Variants in KIF13B observed in about 807,000 individuals in gnomAD.
KIF13B encodes kinesin family member 13B.
Under a neutral mutation model 222.0 loss-of-function variants are expected in KIF13B, and 127 were observed. The observed-to-expected ratio is 0.57, with a 90% confidence interval of 0.50 to 0.66. The LOEUF is 0.66. Among genes scored for constraint, KIF13B ranks in the 30% least tolerant of loss-of-function variants. The pLI, the probability that KIF13B is intolerant of heterozygous loss-of-function variation, is 0.00. For missense variants in KIF13B, 2,173 were observed against 2,379.0 expected (o/e 0.91, Z 1.80); for synonymous variants, 976 against 919.0 (o/e 1.06, Z -1.12).
rs538023953 is a variant in KIF13B, at chr8:29,067,334, A to C, written c.*3170T>G. 6.5e-6 allele frequency: 1 copy of C among 152,738 alleles called. No homozygotes were observed. The highest frequency in any genetic ancestry group is 2.4e-5 in the African/African-American group (1 of 41,584). The allele number at this position is 152,738 out of a possible 1,614,324, so 9.5% of individuals were successfully genotyped here. A position where few individuals can be genotyped will look rare whatever the true frequency, so the allele number is the denominator to read the frequency against. On this transcript the variant is annotated 3_prime_UTR_variant, in exon 40 of 40. Transcript: ENST00000524189. ...AAGCTGTTGGTCATTTGATGGAAAG[A>C]CACATACGGTACAAAATTACAGGTG...
At chr8:29,204,906 T>A (rs1813860474) in intron 2 of KIF13B, among the ~76,000 whole-genome samples, 1 of 152,258 alleles carries the variant, frequency 6.6e-6, no homozygotes, top group South Asian at 2.1e-4. Flanking sequence ...TTAATATGAC[T>A]GAATTTCTGC....
At chr8:29,132,177 C>A (rs564483408) in intron 23 of KIF13B, 131 bp downstream of exon 23, 26 of 525,060 alleles carry the variant, frequency 5.0e-5, no homozygotes, top group African/African-American at 4.8e-4. Context: ...TCCCAGGAGG[C>A]AGAGGCTGCA....
Position 29,071,837 on chromosome 8 carries a change from G to C in KIF13B, c.5001C>G (p.Pro1667=), listed in dbSNP as rs1174443277. The part of the protein sequence containing the change: ...RSFSRMLAGD[P]GCSPGAEGNA... ...TCCCCTCGGCCCCCGGGGAGCAGCC[G>C]GGGTCCCCAGCCAGCATGCGCGAGA... The change falls in exon 39 of 40, where the codon CCC becomes CCG. Residue 1667 remains proline (P), a synonymous_variant. Transcript: ENST00000524189. This position sits in a 1 kb window ranked among gnomAD's most constrained non-coding sequence, Gnocchi z 4.9. The C allele has an allele frequency of 1.3e-6, 2 of 1,540,536 alleles. No individual in the cohort carries two copies. The highest frequency in any genetic ancestry group is 1.7e-6 in the Non-Finnish European group (2 of 1,146,010).
chr8:29,173,155 T>C (rs1469272388), intron 10 of KIF13B, among the ~76,000 whole-genome samples: 1 of 151,982 alleles, frequency 6.6e-6, no homozygotes, highest in African/African-American at 2.4e-5. Flanking sequence ...CCTCAGCTGA[T>C]CCTCCCACCT....
chr8:29,245,099 T>G (rs1815963369), intron 2 of KIF13B, among the ~76,000 whole-genome samples: 1 of 152,230 alleles, frequency 6.6e-6, no homozygotes, highest in Non-Finnish European at 1.5e-5. Context: ...CAATTGCTTC[T>G]CAACATAACA....
At chr8:29,175,986 A>G (rs1350184549) in intron 10 of KIF13B, 82 bp downstream of exon 10, 2 of 755,890 alleles carry the variant, frequency 2.6e-6, no homozygotes, top group Non-Finnish European at 4.6e-6. Context: ...TGATACCTGG[A>G]AGGGATTAAC....
chr8:29,210,195 G>C (rs1007310632), intron 2 of KIF13B, among the ~76,000 whole-genome samples: 1 of 152,164 alleles, frequency 6.6e-6, no homozygotes, highest in African/African-American at 2.4e-5. Context: ...GAAGGGGATA[G>C]AATCTAAAAA....
chr8:29,142,324 A>G, intron 18 of KIF13B, 21 bp from the exon 19 acceptor site: 1 of 1,599,258 alleles, frequency 6.3e-7, no homozygotes, highest in Non-Finnish European at 8.5e-7. Flanking sequence ...AGTAAGAATG[A>G]CCGTGAGAAA....
At chr8:29,251,605 TG>T (rs1241581646) in intron 1 of KIF13B, among the ~76,000 whole-genome samples, 1 of 151,592 alleles carries the variant, frequency 6.6e-6, no homozygotes, top group Non-Finnish European at 1.5e-5. Context: ...TATGAGGGGT[TG>T]GGGGAAAATG....
chr8:29,090,070 G>A (rs180858455), intron 37 of KIF13B, among the ~76,000 whole-genome samples: 5 of 152,250 alleles, frequency 3.3e-5, no homozygotes, highest in East Asian at 3.9e-4. Flanking sequence ...CAGGGCCAGC[G>A]CCAGAGCTCT....
chr8:29,254,799 A>G (rs891553016), intron 1 of KIF13B, among the ~76,000 whole-genome samples: 1 of 152,250 alleles, frequency 6.6e-6, no homozygotes, highest in African/African-American at 2.4e-5. Context: ...TGCGTATCTG[A>G]GAAAAATGAA....
At position 29,167,518 on chromosome 8, in the gene KIF13B, T is replaced by C. The variant is rs770228294; in HGVS notation, c.1013A>G (p.Asp338Gly). The change falls in exon 11 of 40, where the codon GAT becomes GGT. Residue 338 changes from aspartate (D) to glycine (G), a missense_variant. Transcript: ENST00000524189. ...ATVSPAADNY[D>G]ETLSTLRYAD... ...ATACCGCAGAGTTGAGAGGGTTTCATCATAGTTATCAGCTGCAGGACTCAC... is the reference window on the plus strand; with the variant it reads ...ATACCGCAGAGTTGAGAGGGTTTCACCATAGTTATCAGCTGCAGGACTCAC... 3 of 1,614,040 alleles carry C rather than the reference T, an allele frequency of 1.9e-6. No individual in the cohort carries two copies. The highest frequency in any genetic ancestry group is 1.7e-5 in the Admixed American group (1 of 60,024).
At chr8:29,086,523 TAATAA>T (rs1183143468) in intron 37 of KIF13B, among the ~76,000 whole-genome samples, 2 of 152,100 alleles carry the variant, frequency 1.3e-5, no homozygotes, top group Non-Finnish European at 2.9e-5. Flanking sequence ...TGGTCTCAAA[TAATAA>T]AATAAAATAA....
chr8:29,175,969 G>C (rs1812460193), intron 10 of KIF13B, 99 bp downstream of exon 10: 2 of 713,744 alleles, frequency 2.8e-6, no homozygotes, highest in Non-Finnish European at 5.0e-6. Flanking sequence ...CACACCGATA[G>C]AGGAAATGAT....
chr8:29,101,061 C>T (rs781322420), intron 35 of KIF13B, among the ~76,000 whole-genome samples: 1 of 152,160 alleles, frequency 6.6e-6, no homozygotes, highest in African/African-American at 2.4e-5. Flanking sequence ...ACGTGATCAT[C>T]GAGAACGTAA....
intron 37 of KIF13B, among the ~76,000 whole-genome samples, chr8:29,078,275 CCAA>C (rs1240354388): frequency 6.7e-6 from 1 of 148,226 alleles, no homozygotes; most frequent in Non-Finnish European, 1.5e-5. Flanking sequence ...TCCAGCCTGG[CCAA>C]CAATAGCAAA....
chr8:29,251,930 T>G (rs532201498), intron 1 of KIF13B, among the ~76,000 whole-genome samples: 116 of 152,084 alleles, frequency 7.6e-4, no homozygotes, highest in African/African-American at 2.7e-3. Flanking sequence ...TACTGTAAGT[T>G]TATTTCATGA....
intron 34 of KIF13B, 144 bp from the exon 35 acceptor site, chr8:29,108,336 T>C (rs1809192316): frequency 3.0e-6 from 2 of 672,674 alleles, no homozygotes; most frequent in Admixed American, 5.2e-5. Flanking sequence ...GGCTGCACAC[T>C]AGTGGTCTTT....
At chr8:29,137,465 G>A (rs1810617205) in intron 21 of KIF13B, among the ~76,000 whole-genome samples, 1 of 152,206 alleles carries the variant, frequency 6.6e-6, no homozygotes, top group African/African-American at 2.4e-5. Context: ...CTGCGCCCAG[G>A]TTTTTAAATA....
Sources: gnomAD v4.1 joint callset for allele counts (sites outside exome capture counted in the v4.1 genomes callset) on GRCh38, gnomAD v4.1.1 for gene constraint, Gnocchi (gnomAD v3.1) non-coding constraint, MANE v1.5 for transcripts, NCBI Gene and HGNC (gene_info 2026-07-23, HGNC 2026-07-21) for gene names.